The following CACNB2 variants were observed in gnomAD, a reference collection of about 807,000 sequenced individuals.
CACNB2 encodes calcium voltage-gated channel auxiliary subunit beta 2.
A neutral mutation model predicts 73.3 loss-of-function variants in CACNB2; 42 were observed. The observed-to-expected ratio is 0.57, with a 90% confidence interval of 0.45 to 0.74. The LOEUF is 0.74. Ranked by LOEUF, CACNB2 falls within the 30% of genes least tolerant of loss-of-function variation. CACNB2 has a pLI of 0.00. For missense variants in CACNB2, 940 were observed against 853.0 expected, an observed-to-expected ratio of 1.10 and a Z score of -1.27; for synonymous variants, 348 against 310.3, an observed-to-expected ratio of 1.12 and a Z score of -1.28.
intron 2 of CACNB2, among the ~76,000 whole-genome samples, chr10:18,248,441 C>G (rs940262901): frequency 6.6e-6 from 1 of 152,174 alleles, no homozygotes; most frequent in Non-Finnish European, 1.5e-5. Flanking sequence ...TGAATCTCCC[C>G]AAGTTCTACT....
intron 6 of CACNB2, chr10:18,513,125 G>A: frequency 1.1e-5 from 1 of 91,730 alleles, no homozygotes; most frequent in Non-Finnish European, 2.1e-5. Flanking sequence ...TTTTTTTGGT[G>A]CAAGTTTGGC....
chr10:18,508,765 C>G (rs1228096486), intron 6 of CACNB2, among the ~76,000 whole-genome samples: 1 of 152,156 alleles, frequency 6.6e-6, no homozygotes, highest in Non-Finnish European at 1.5e-5. Context: ...TGACGTCAAA[C>G]CATCGTAAAG....
chr10:18,222,214 G>C (rs142041642), intron 2 of CACNB2, among the ~76,000 whole-genome samples: 509 of 152,230 alleles, frequency 3.3e-3, no homozygotes, highest in African/African-American at 0.012. Context: ...ACCACATGCC[G>C]AGGCAGAACC....
chr10:18,497,068 T>C (rs1295899110), intron 3 of CACNB2, among the ~76,000 whole-genome samples: 2 of 151,472 alleles, frequency 1.3e-5, no homozygotes, highest in African/African-American at 4.8e-5. Context: ...AAAAATTAGC[T>C]GGGCGTGGTG....
chr10:18,476,674 C>T (rs1004226789), intron 3 of CACNB2, among the ~76,000 whole-genome samples: 2 of 152,106 alleles, frequency 1.3e-5, no homozygotes, highest in Non-Finnish European at 2.9e-5. Flanking sequence ...AACTTGGCCC[C>T]AGACCAGCCT....
intron 2 of CACNB2, among the ~76,000 whole-genome samples, chr10:18,172,436 A>G (rs1456755423): frequency 6.6e-6 from 1 of 152,080 alleles, no homozygotes; most frequent in Non-Finnish European, 1.5e-5. Context: ...TTGAATCTTC[A>G]CTGTTTCCCT....
At chr10:18,360,814 C>G (rs2042111510) in intron 2 of CACNB2, among the ~76,000 whole-genome samples, 2 of 152,166 alleles carry the variant, frequency 1.3e-5, no homozygotes, top group African/African-American at 4.8e-5. Flanking sequence ...CAGCAAGGAG[C>G]AGAACAGGAC....
intron 2 of CACNB2, among the ~76,000 whole-genome samples, chr10:18,189,682 T>G (rs1416803311): frequency 6.6e-6 from 1 of 152,216 alleles, no homozygotes; most frequent in Non-Finnish European, 1.5e-5. Context: ...TGAGCATTGG[T>G]GTCAGATTAT....
chr10:18,278,022 G>A (rs912442041), intron 2 of CACNB2, among the ~76,000 whole-genome samples: 3 of 152,084 alleles, frequency 2.0e-5, no homozygotes, highest in African/African-American at 7.2e-5. Flanking sequence ...ATACAGAAAT[G>A]GATATTTTTC....
chr10:18,325,203 T>G (rs2040534557), intron 2 of CACNB2, among the ~76,000 whole-genome samples: 1 of 152,146 alleles, frequency 6.6e-6, no homozygotes, highest in Admixed American at 6.5e-5. Context: ...GTTTTTGTCT[T>G]TTTAGGGACA....
intron 2 of CACNB2, among the ~76,000 whole-genome samples, chr10:18,246,510 G>C (rs1236115973): frequency 2.0e-5 from 3 of 152,078 alleles, no homozygotes; most frequent in Non-Finnish European, 4.4e-5. Context: ...TCTTCAATGG[G>C]GGTTGAAATG....
chr10:18,292,614 C>A (rs1029372828), intron 2 of CACNB2, among the ~76,000 whole-genome samples: 1 of 152,104 alleles, frequency 6.6e-6, no homozygotes, highest in African/African-American at 2.4e-5. Context: ...TGAGATCGGG[C>A]CACTGCACTC....
In CACNB2 at chr10:18,225,424, G is replaced by T. The variant is rs78421838; in HGVS notation, c.213+74449G>T. Among the ~76,000 whole-genome samples the T allele has an allele frequency of 4.0e-3, 615 of 152,196 alleles. 6 individuals carry two copies. The East Asian group carries it at 0.045, about 11-fold the overall frequency. ...CCATTTTACAATGTAAGAAACTGAG[G>T]GTTTAAGAAATATGGCCTGGGTCCA... On this transcript the variant is annotated intron_variant, in intron 2 of 13. Coordinates refer to ENST00000324631, the MANE Select transcript of CACNB2 (RefSeq NM_201596.3).
chr10:18,220,224 TATATATATAGAGAGAGAGAG>T (rs1437902779), intron 2 of CACNB2, among the ~76,000 whole-genome samples: 3 of 48,030 alleles, frequency 6.2e-5, no homozygotes, highest in South Asian at 6.8e-4. Context: ...TATATATATA[TATATATATAGAGAGAGAGAG>T]AGAGAGAGAG....
At chr10:18,354,104 C>A (rs1356124500) in intron 2 of CACNB2, among the ~76,000 whole-genome samples, 1 of 152,098 alleles carries the variant, frequency 6.6e-6, no homozygotes, top group East Asian at 1.9e-4. Flanking sequence ...AGAGTCAAAT[C>A]CCTGAGAGTC....
chr10:18,491,543 G>A (rs2049424267), intron 3 of CACNB2, among the ~76,000 whole-genome samples: 1 of 152,140 alleles, frequency 6.6e-6, no homozygotes, highest in East Asian at 1.9e-4. Context: ...AGCCATGATT[G>A]CACCACTTCG....
intron 3 of CACNB2, among the ~76,000 whole-genome samples, chr10:18,413,583 A>G (rs1047952836): frequency 1.3e-5 from 2 of 152,150 alleles, no homozygotes; most frequent in Non-Finnish European, 2.9e-5. Context: ...TCCAAATCTG[A>G]AACCTTCGTC....
intron 3 of CACNB2, among the ~76,000 whole-genome samples, chr10:18,412,334 T>C (rs1385363002): frequency 1.3e-5 from 2 of 152,220 alleles, no homozygotes; most frequent in Admixed American, 6.5e-5. Context: ...ATTCATCTTT[T>C]TTCTTCCTTA....
At chr10:18,152,556 C>T (rs1588557149) in intron 2 of CACNB2, among the ~76,000 whole-genome samples, 1 of 151,826 alleles carries the variant, frequency 6.6e-6, no homozygotes. Context: ...GGCCTTGGGA[C>T]ATAGTGACTT....
Sources: allele counts gnomAD v4.1 joint callset (sites outside exome capture counted in the v4.1 genomes callset), GRCh38; gene constraint gnomAD v4.1.1; transcripts MANE v1.5; gene names NCBI Gene and HGNC (gene_info 2026-07-23, HGNC 2026-07-21).